The following TDRD7 variants were observed in gnomAD, a reference collection of about 807,000 sequenced individuals.
TDRD7 encodes the protein tudor domain-containing protein 7.
TDRD7 carries 47 observed loss-of-function variants against 109.8 expected under a neutral mutation model. The ratio of observed to expected loss-of-function variants is 0.43; its 90% CI spans 0.34 to 0.55. The LOEUF is 0.55. Ranked by LOEUF, TDRD7 falls within the 20% of genes least tolerant of loss-of-function variation. TDRD7 has a pLI of 0.03. For missense variants in TDRD7, 1,164 were observed against 1,319.2 expected, an observed-to-expected ratio of 0.88 and a Z score of 1.82; for synonymous variants, 424 against 457.3, an observed-to-expected ratio of 0.93 and a Z score of 0.93.
chr9:97,462,471 T>C (rs1421141765), intron 7 of TDRD7, among the ~76,000 whole-genome samples: 2 of 152,154 alleles, frequency 1.3e-5, no homozygotes, highest in African/African-American at 4.8e-5. Flanking sequence ...CACAAGACTT[T>C]GCAAACCTCC....
intron 16 of TDRD7, among the ~76,000 whole-genome samples, chr9:97,487,856 C>T (rs1424970273): frequency 2.0e-5 from 3 of 152,044 alleles, no homozygotes; most frequent in Non-Finnish European, 4.4e-5. Flanking sequence ...TTATTATTAT[C>T]GCATAAATTA....
chr9:97,458,522 A>G (rs1307651506), intron 6 of TDRD7, among the ~76,000 whole-genome samples: 9 of 152,162 alleles, frequency 5.9e-5, no homozygotes, highest in African/African-American at 2.2e-4. Context: ...ATGGCTTAAA[A>G]TGAGGGACAT....
chr9:97,417,491 A>G (rs1408009531), intron 1 of TDRD7, among the ~76,000 whole-genome samples: 2 of 152,198 alleles, frequency 1.3e-5, no homozygotes, highest in East Asian at 3.9e-4. Flanking sequence ...ACGGACTAGG[A>G]CAACTGCCAT....
At chr9:97,468,699 T>C (rs1448055981) in intron 8 of TDRD7, among the ~76,000 whole-genome samples, 1 of 152,234 alleles carries the variant, frequency 6.6e-6, no homozygotes, top group Non-Finnish European at 1.5e-5. Context: ...CCGCTGAGGC[T>C]GGTGCCAGTT....
chr9:97,495,531 TC>T, intron 16 of TDRD7, 131 bp from the exon 17 acceptor site: 1 of 850,446 alleles, frequency 1.2e-6, no homozygotes, highest in South Asian at 1.4e-5. Flanking sequence ...TAACCGTTTT[TC>T]AGTTCAGGCA....
intron 6 of TDRD7, 101 bp downstream of exon 6, chr9:97,441,976 C>A (rs1828314885): frequency 2.1e-6 from 2 of 954,714 alleles, no homozygotes; most frequent in Non-Finnish European, 3.4e-6. Context: ...GAAGACAAAG[C>A]ACTTTACATA....
At chr9:97,434,913 C>G (rs1828167413) in intron 4 of TDRD7, among the ~76,000 whole-genome samples, 1 of 152,018 alleles carries the variant, frequency 6.6e-6, no homozygotes, top group Non-Finnish European at 1.5e-5. Context: ...AAGCCAATCT[C>G]AAAAAGCGAC....
At chr9:97,415,870 A>T (rs1827802805) in intron 1 of TDRD7, among the ~76,000 whole-genome samples, 1 of 152,248 alleles carries the variant, frequency 6.6e-6, no homozygotes, top group African/African-American at 2.4e-5. Flanking sequence ...ATACCTTGAG[A>T]GTATAATTGC....
chr9:97,454,498 A>G (rs1246522016), intron 6 of TDRD7, among the ~76,000 whole-genome samples: 1 of 152,244 alleles, frequency 6.6e-6, no homozygotes, highest in Non-Finnish European at 1.5e-5. Flanking sequence ...GAGAGAACGC[A>G]GTGCAGTTAG....
At position 97,430,948 on chromosome 9, in the gene TDRD7, A is replaced by G. The variant is rs769552442; in HGVS notation, c.223A>G (p.Met75Val). The G allele has an allele frequency of 5.0e-6, 8 of 1,613,704 alleles. No homozygotes were observed. In the East Asian group the frequency reaches 1.1e-4, roughly 22 times the overall value. The part of the protein sequence containing the change: ...SRSGEITCYA[M>V]ACTETARIAQ... ...TAATGAATAGATTACCTGCTATGCCATGGCCTGCACAGAAACTGCAAGAAT... is the reference window on the plus strand; with the variant it reads ...TAATGAATAGATTACCTGCTATGCCGTGGCCTGCACAGAAACTGCAAGAAT... The change falls in exon 3 of 17, where the codon ATG becomes GTG. Residue 75 changes from methionine (M) to valine (V), a missense_variant. Met to Val is a conservative substitution (Grantham distance 21). This residue lies in a region of TDRD7 where 101 missense variants were observed against 148.5 expected (regional missense o/e 0.68). Transcript: ENST00000355295.
intron 9 of TDRD7, among the ~76,000 whole-genome samples, chr9:97,470,970 C>T (rs1828900380): frequency 6.6e-6 from 1 of 152,158 alleles, no homozygotes; most frequent in Non-Finnish European, 1.5e-5. Context: ...TGTTTCATGA[C>T]ATTTGATGAG....
At chr9:97,463,380 G>GTT (rs1179946909) in intron 7 of TDRD7, among the ~76,000 whole-genome samples, 27 of 125,686 alleles carry the variant, frequency 2.1e-4, no homozygotes, top group Admixed American at 3.2e-4. Flanking sequence ...TCTGAGTTTT[G>GTT]TTTTTTTTTT....
At chr9:97,464,808 C>T (rs773282683) in intron 7 of TDRD7, 34 bp from the exon 8 acceptor site, 2 of 1,612,624 alleles carry the variant, frequency 1.2e-6, no homozygotes, top group Admixed American at 3.3e-5. Flanking sequence ...TTCTAGGTTA[C>T]TTCATTTGCA....
intron 16 of TDRD7, among the ~76,000 whole-genome samples, chr9:97,492,183 C>T (rs912914039): frequency 2.0e-5 from 3 of 152,174 alleles, no homozygotes; most frequent in African/African-American, 7.2e-5. Flanking sequence ...GTTTGTTCAG[C>T]TTTTTGTTTC....
At chr9:97,491,210 G>A (rs552056264) in intron 16 of TDRD7, among the ~76,000 whole-genome samples, 1 of 152,236 alleles carries the variant, frequency 6.6e-6, no homozygotes, top group South Asian at 2.1e-4. Flanking sequence ...GGGATTACAG[G>A]TGTGAGCCAC....
intron 6 of TDRD7, among the ~76,000 whole-genome samples, chr9:97,451,907 T>A (rs982639536): frequency 6.6e-6 from 1 of 152,272 alleles, no homozygotes; most frequent in African/African-American, 2.4e-5. Flanking sequence ...ACACAAGTCT[T>A]CTGTGTTGAT....
Position 97,460,307 on chromosome 9 carries a change from C to T in TDRD7, c.985C>T (p.Pro329Ser), listed in dbSNP as rs768409743. The T allele has an allele frequency of 2.5e-6, 4 of 1,614,168 alleles. No individual in the cohort carries two copies. The highest frequency in any genetic ancestry group is 4.5e-5 in the East Asian group (2 of 44,872). ...SPLPGPKQTP[P>S]LKGCPTVMAG... The stretch of plus-strand genomic sequence containing the variant: ...ACTACCTGGTCCCAAACAAACACCA[C>T]CGTTGAAAGGGTGTCCAACAGTTAT... The change falls in exon 7 of 17, where the codon CCG becomes TCG. Residue 329 changes from proline to serine, a missense_variant. By Grantham distance (74) the Pro-to-Ser change is moderately conservative (BLOSUM62 -1). This residue lies in a region of TDRD7 where 407 missense variants were observed against 394.0 expected (regional missense o/e 1.03). Coordinates refer to ENST00000355295, the MANE Select transcript of TDRD7 (RefSeq NM_014290.3).
intron 14 of TDRD7, 112 bp from the exon 15 acceptor site, chr9:97,482,737 T>C (rs1829136366): frequency 2.6e-6 from 3 of 1,144,214 alleles, no homozygotes. Context: ...AAATGGATTT[T>C]AGCAAGGGTT....
chr9:97,469,705 G>T (rs1828879960), intron 8 of TDRD7, among the ~76,000 whole-genome samples: 2 of 152,046 alleles, frequency 1.3e-5, no homozygotes, highest in Non-Finnish European at 2.9e-5. Flanking sequence ...TAGATTCTTA[G>T]TTATTCTAAA....
Sources: gnomAD v4.1 joint callset for allele counts (sites outside exome capture counted in the v4.1 genomes callset) on GRCh38, gnomAD v4.1.1 for gene constraint, gnomAD v4.1.1 regional missense constraint, MANE v1.5 for transcripts, NCBI Gene and HGNC (gene_info 2026-07-23, HGNC 2026-07-21) for gene names.